The following GRM7 variants were observed in gnomAD, a reference collection of about 807,000 sequenced individuals.
GRM7 encodes the protein glutamate metabotropic receptor 7.
In GRM7, 35 loss-of-function variants were observed where a neutral mutation model predicts 84.5. The ratio of observed to expected loss-of-function variants is 0.41; its 90% CI spans 0.32 to 0.55. The LOEUF (loss-of-function observed/expected upper bound fraction) is 0.55, where lower values mean the gene tolerates loss of function less well. GRM7 is among the 20% of genes least tolerant of loss of function. The pLI, the probability that GRM7 is intolerant of heterozygous loss-of-function variation, is 0.19. For synonymous variants in GRM7, 487 were observed against 455.1 expected (o/e 1.07, Z -0.89); for missense variants, 1,003 against 1,194.6 (o/e 0.84, Z 2.36).
intron 2 of GRM7, among the ~76,000 whole-genome samples, chr3:7,196,755 G>A (rs564776251): frequency 6.6e-6 from 1 of 151,832 alleles, no homozygotes; most frequent in African/African-American, 2.4e-5. Flanking sequence ...TATATGGCTT[G>A]GCATATTTAT....
intron 7 of GRM7, among the ~76,000 whole-genome samples, chr3:7,558,252 T>C (rs1693861523): frequency 6.6e-6 from 1 of 152,202 alleles, no homozygotes. Context: ...CCTTATGTAG[T>C]TTTTAATGAG....
Position 7,336,206 on chromosome 3 carries a change from G to A in GRM7, c.1033+29554G>A, listed in dbSNP as rs146065524. Among the ~76,000 whole-genome samples the A allele has an allele frequency of 7.1e-4, 108 of 152,094 alleles. 3 individuals carry two copies. Among genetic ancestry groups the A allele is most frequent in the African/African-American group, 2.5e-3 (104 of 41,542 alleles). ...AAAGATAATATGCCACGATCAAGTG[G>A]ATTTCATACCTGGGATGCAGGGTTG... On this transcript the variant is annotated intron_variant, in intron 4 of 9. Transcript: ENST00000357716.
At chr3:7,118,789 A>G (rs1029815329) in intron 1 of GRM7, among the ~76,000 whole-genome samples, 12 of 152,062 alleles carry the variant, frequency 7.9e-5, no homozygotes, top group African/African-American at 2.9e-4. Context: ...GAAAATACTG[A>G]GAATCAAAAC....
At chr3:7,237,446 T>G (rs1373706907) in intron 2 of GRM7, among the ~76,000 whole-genome samples, 1 of 152,048 alleles carries the variant, frequency 6.6e-6, no homozygotes, top group East Asian at 1.9e-4. Context: ...ATTGGTTCCT[T>G]CTGGTGGGTT....
chr3:7,286,077 A>G (rs1395775386), intron 2 of GRM7, among the ~76,000 whole-genome samples: 2 of 152,210 alleles, frequency 1.3e-5, no homozygotes, highest in Non-Finnish European at 2.9e-5. Context: ...TCTAATTAAG[A>G]TATTTGAATG....
At chr3:7,072,255 A>G (rs1230492270) in intron 1 of GRM7, among the ~76,000 whole-genome samples, 1 of 152,190 alleles carries the variant, frequency 6.6e-6, no homozygotes, top group Non-Finnish European at 1.5e-5. Context: ...GGAGCTAGAA[A>G]GGACATCTGT....
chr3:7,078,591 AT>A (rs1698172599), intron 1 of GRM7, among the ~76,000 whole-genome samples: 1 of 152,194 alleles, frequency 6.6e-6, no homozygotes, highest in South Asian at 2.1e-4. Flanking sequence ...ATCTAGGAAG[AT>A]TTTATATTAA....
intron 4 of GRM7, among the ~76,000 whole-genome samples, chr3:7,348,911 A>G (rs945767175): frequency 1.3e-5 from 2 of 152,258 alleles, no homozygotes; most frequent in East Asian, 1.9e-4. Context: ...CATACATGTA[A>G]TTCTTTAAGC....
At chr3:6,950,450 G>C (rs1181526642) in intron 1 of GRM7, among the ~76,000 whole-genome samples, 3 of 152,184 alleles carry the variant, frequency 2.0e-5, no homozygotes, top group Non-Finnish European at 2.9e-5. Flanking sequence ...GCCGTGTGAG[G>C]TGTCAGTACG....
chr3:6,928,750 G>T lies in GRM7; in HGVS notation c.519+66843G>T, dbSNP rs1575026355. On this transcript the variant is annotated intron_variant, in intron 1 of 9. Transcript: ENST00000357716. This position sits in a 1 kb window ranked among gnomAD's most constrained non-coding sequence, Gnocchi z 4.5. ...TTCCATGGATTGCAATCATTGAAAG[G>T]TTGTAATTGTAGCCTTCTGCTATAT... Among the ~76,000 whole-genome samples the T allele has an allele frequency of 2.0e-5, 3 of 152,126 alleles. No homozygotes were observed. Among genetic ancestry groups the T allele is most frequent in the South Asian group, 2.1e-4 (1 of 4,822 alleles).
chr3:7,261,447 T>C (rs925184760), intron 2 of GRM7, among the ~76,000 whole-genome samples: 3 of 152,208 alleles, frequency 2.0e-5, no homozygotes, highest in African/African-American at 7.2e-5. Flanking sequence ...ATTTGCTTGG[T>C]AGATTTTTCT....
intron 7 of GRM7, among the ~76,000 whole-genome samples, chr3:7,478,625 T>C (rs1203358332): frequency 2.0e-5 from 3 of 152,170 alleles, no homozygotes; most frequent in African/African-American, 7.2e-5. Context: ...CCTCCTGTCT[T>C]ATTAACCCAT....
At chr3:7,051,089 G>T (rs1696983690) in intron 1 of GRM7, among the ~76,000 whole-genome samples, 1 of 151,592 alleles carries the variant, frequency 6.6e-6, no homozygotes, top group Non-Finnish European at 1.5e-5. Flanking sequence ...TATTTTCTTA[G>T]AGTTTGGGGA....
chr3:7,547,259 T>G (rs1297077097), intron 7 of GRM7, among the ~76,000 whole-genome samples: 3 of 132,134 alleles, frequency 2.3e-5, no homozygotes, highest in Non-Finnish European at 3.1e-5. Context: ...CAGGCTGGAG[T>G]GCAGTGGCGT....
At chr3:6,891,532 C>A (rs1695945691) in intron 1 of GRM7, among the ~76,000 whole-genome samples, 1 of 152,130 alleles carries the variant, frequency 6.6e-6, no homozygotes, top group Admixed American at 6.5e-5. Context: ...GTTGAAAATT[C>A]TTTTCTTTAG....
chr3:7,325,193 T>C (rs935138240), intron 4 of GRM7, among the ~76,000 whole-genome samples: 6 of 152,144 alleles, frequency 3.9e-5, no homozygotes, highest in Non-Finnish European at 7.4e-5. Flanking sequence ...GTATTGAAAG[T>C]TCTCAAATAT....
At chr3:7,311,978 G>C (rs1194332874) in intron 4 of GRM7, among the ~76,000 whole-genome samples, 1 of 152,154 alleles carries the variant, frequency 6.6e-6, no homozygotes, top group Admixed American at 6.5e-5. Context: ...GCTTTTACCT[G>C]TAAGAAATGT....
chr3:7,331,293 G>A (rs901039255), intron 4 of GRM7, among the ~76,000 whole-genome samples: 5 of 152,156 alleles, frequency 3.3e-5, no homozygotes, highest in African/African-American at 1.2e-4. Context: ...TGTCTGAAAG[G>A]GTGATCAAAA....
chr3:7,523,090 T>G (rs1337624027), intron 7 of GRM7, among the ~76,000 whole-genome samples: 2 of 152,144 alleles, frequency 1.3e-5, no homozygotes, highest in Non-Finnish European at 2.9e-5. Context: ...GTTCAAGCAA[T>G]TTCTATTGTA....
Sources: allele counts gnomAD v4.1 joint callset (sites outside exome capture counted in the v4.1 genomes callset), GRCh38; gene constraint gnomAD v4.1.1; non-coding constraint Gnocchi (gnomAD v3.1); transcripts MANE v1.5; gene names NCBI Gene and HGNC (gene_info 2026-07-23, HGNC 2026-07-21).